Variants in TASP1 observed in about 807,000 individuals in gnomAD.
TASP1 encodes the protein threonine aspartase 1.
Under a neutral mutation model 56.6 loss-of-function variants are expected in TASP1, and 16 were observed. That is an observed-to-expected ratio of 0.28 (90% CI 0.19 to 0.43). The LOEUF is 0.43. TASP1 is among the 20% of genes least tolerant of loss of function. TASP1 has a pLI of 1.00. For synonymous variants in TASP1, 179 were observed against 184.2 expected, an observed-to-expected ratio of 0.97 and a Z score of 0.23; for missense variants, 393 against 511.6, an observed-to-expected ratio of 0.77 and a Z score of 2.24.
intron 11 of TASP1, among the ~76,000 whole-genome samples, chr20:13,473,456 T>G (rs569492590): frequency 6.6e-6 from 1 of 152,238 alleles, no homozygotes; most frequent in South Asian, 2.1e-4. Context: ...CTGCACATTG[T>G]GCACATGTAC....
At position 13,630,153 on chromosome 20, in the gene TASP1, C is replaced by T. The variant is rs2049032035; in HGVS notation, c.-74-1G>A. ...AAGTAATTGCAGGAGAGGAATTACC[C>T]TAAAGGAAAACAGGCAAAGATGGTA... On this transcript the variant is annotated splice_acceptor_variant, in intron 1 of 13. Coordinates refer to ENST00000337743, the MANE Select transcript of TASP1 (RefSeq NM_017714.3). LOFTEE classifies it low-confidence loss of function (5UTR_SPLICE). 4 of 1,496,974 alleles carry T rather than the reference C, an allele frequency of 2.7e-6. No homozygotes were observed. The highest frequency in any genetic ancestry group is 1.4e-5 in the African/African-American group (1 of 70,720). The allele number at this position is 1,496,974 out of a possible 1,614,324, so 92.7% of individuals were successfully genotyped here.
At chr20:13,503,010 C>T (rs529420285) in intron 10 of TASP1, among the ~76,000 whole-genome samples, 1 of 152,314 alleles carries the variant, frequency 6.6e-6, no homozygotes, top group Non-Finnish European at 1.5e-5. Context: ...AGTGAGTAAG[C>T]TCCTGGGTAC....
At chr20:13,290,132 G>T in the TASP1 span, among the ~76,000 whole-genome samples, 1 of 152,186 alleles carries the variant, frequency 6.6e-6, no homozygotes, top group African/African-American at 2.4e-5. Flanking sequence ...CATGCAGATG[G>T]ATTTCAAAAC....
At chr20:13,368,026 A>G in the TASP1 span, among the ~76,000 whole-genome samples, 1 of 152,358 alleles carries the variant, frequency 6.6e-6, no homozygotes, top group African/African-American at 2.4e-5. Flanking sequence ...AATTTGTGCC[A>G]TAAATATCTT....
the TASP1 span, among the ~76,000 whole-genome samples, chr20:13,220,308 G>T: frequency 6.6e-6 from 1 of 152,368 alleles, no homozygotes; most frequent in Admixed American, 6.5e-5. Context: ...GACACAGTTC[G>T]CTCTAGCATC....
the TASP1 span, among the ~76,000 whole-genome samples, chr20:13,248,488 T>C: frequency 6.6e-6 from 1 of 152,186 alleles, no homozygotes; most frequent in African/African-American, 2.4e-5. Context: ...CAGGAGAATC[T>C]TGAGTGTAGC....
rs535249943 is a variant in TASP1, at chr20:13,457,371, C to T, written c.986-22217G>A. 7.9e-5 allele frequency among the ~76,000 whole-genome samples: 12 copies of T among 152,062 alleles called. No individual in the cohort carries two copies. The South Asian group carries it at 8.3e-4, about 11-fold the overall frequency. ...TGTAAAAAGCAGGATGGTATATATA[C>T]GATAGGATGGCTTTAGGGAAGTCTA... On this transcript the variant is annotated intron_variant, in intron 11 of 13. Coordinates refer to ENST00000337743, the MANE Select transcript of TASP1 (RefSeq NM_017714.3).
the TASP1 span, among the ~76,000 whole-genome samples, chr20:13,243,026 A>T: frequency 1.3e-5 from 2 of 152,190 alleles, no homozygotes; most frequent in Non-Finnish European, 2.9e-5. Flanking sequence ...TGTCCAAGTC[A>T]CACAGATAGC....
chr20:13,373,420 A>T, the TASP1 span, among the ~76,000 whole-genome samples: 1 of 148,678 alleles, frequency 6.7e-6, no homozygotes, highest in African/African-American at 2.5e-5. Flanking sequence ...TTTAGTATTT[A>T]TGATAAGGCA....
chr20:13,349,346 G>A, the TASP1 span, among the ~76,000 whole-genome samples: 2 of 152,186 alleles, frequency 1.3e-5, no homozygotes, highest in Non-Finnish European at 2.9e-5. Flanking sequence ...CTTCAAGGGA[G>A]ATCCTGGGTA....
chr20:13,447,144 CAG>C (rs988943197), intron 11 of TASP1, among the ~76,000 whole-genome samples: 12 of 152,130 alleles, frequency 7.9e-5, no homozygotes, highest in Admixed American at 5.2e-4. Flanking sequence ...CCACAAGAAA[CAG>C]TGTTTGAGAG....
intron 10 of TASP1, among the ~76,000 whole-genome samples, chr20:13,490,675 T>C (rs2043493587): frequency 6.6e-6 from 1 of 150,600 alleles, no homozygotes; most frequent in African/African-American, 2.4e-5. Context: ...CCTCCTTCCC[T>C]CCCTCACCCC....
chr20:13,162,561 T>C, the TASP1 span, among the ~76,000 whole-genome samples: 1 of 152,044 alleles, frequency 6.6e-6, no homozygotes, highest in Non-Finnish European at 1.5e-5. Context: ...ACCTAAAGGC[T>C]CATAGACTAG....
At chr20:13,627,885 C>T (rs2048952956) in intron 2 of TASP1, among the ~76,000 whole-genome samples, 1 of 152,132 alleles carries the variant, frequency 6.6e-6, no homozygotes, top group Non-Finnish European at 1.5e-5. Flanking sequence ...ATAAGACCCT[C>T]TCAGATCACT....
intron 12 of TASP1, among the ~76,000 whole-genome samples, chr20:13,421,634 C>A (rs1243049859): frequency 6.6e-6 from 1 of 152,024 alleles, no homozygotes; most frequent in Admixed American, 6.6e-5. Flanking sequence ...ATTAAAATCA[C>A]AAGATACCAT....
the TASP1 span, among the ~76,000 whole-genome samples, chr20:13,322,321 G>A: frequency 6.6e-6 from 1 of 152,116 alleles, no homozygotes; most frequent in South Asian, 2.1e-4. Flanking sequence ...AAAGAGATAC[G>A]GGTTGTTCTA....
At chr20:13,156,582 T>C in the TASP1 span, among the ~76,000 whole-genome samples, 1 of 152,214 alleles carries the variant, frequency 6.6e-6, no homozygotes, top group Non-Finnish European at 1.5e-5. Context: ...AAGGTTACTG[T>C]GAAGATTAAA....
At chr20:13,361,094 T>C in the TASP1 span, among the ~76,000 whole-genome samples, 1 of 151,984 alleles carries the variant, frequency 6.6e-6, no homozygotes, top group East Asian at 1.9e-4. Context: ...ATTCTACTAC[T>C]CCTCAGGGAT....
At chr20:13,469,781 C>CAATAAAT (rs1188913731) in intron 11 of TASP1, among the ~76,000 whole-genome samples, 2 of 114,426 alleles carry the variant, frequency 1.7e-5, no homozygotes, top group Non-Finnish European at 3.6e-5. Flanking sequence ...TTGTCCAGGT[C>CAATAAAT]AATAAATGTC....
Sources: gnomAD v4.1 joint callset for allele counts (sites outside exome capture counted in the v4.1 genomes callset) on GRCh38, gnomAD v4.1.1 for gene constraint, MANE v1.5 for transcripts, NCBI Gene and HGNC (gene_info 2026-07-23, HGNC 2026-07-21) for gene names.